CDH26: variants seen among roughly 807,000 people sequenced by gnomAD.
CDH26 encodes the protein cadherin-like protein 26.
CDH26 carries 83 observed loss-of-function variants against 90.3 expected under a neutral mutation model. The observed-to-expected ratio is 0.92, with a 90% CI of 0.77 to 1.10. CDH26 has a LOEUF of 1.10. Among genes scored for constraint, CDH26 ranks in the 50% least tolerant of loss-of-function variants. CDH26 has a pLI of 0.00. For synonymous variants in CDH26, 397 were observed against 396.3 expected, an observed-to-expected ratio of 1.00 and a Z score of -0.02; for missense variants, 1,013 against 1,037.6, an observed-to-expected ratio of 0.98 and a Z score of 0.33.
chr20:59,977,163 G>A (rs1281733615), intron 4 of CDH26, among the ~76,000 whole-genome samples: 1 of 152,146 alleles, frequency 6.6e-6, no homozygotes, highest in African/African-American at 2.4e-5. Context: ...TCTACGGGAA[G>A]GGCTGGTGCT....
intron 4 of CDH26, among the ~76,000 whole-genome samples, chr20:59,976,592 G>A (rs999496681): frequency 6.6e-6 from 1 of 152,220 alleles, no homozygotes; most frequent in African/African-American, 2.4e-5. Context: ...ATACATTATG[G>A]AGGAGAATGT....
At chr20:60,022,894 A>G (rs2061969055) in intron 7 of CDH26, among the ~76,000 whole-genome samples, 1 of 152,212 alleles carries the variant, frequency 6.6e-6, no homozygotes, top group African/African-American at 2.4e-5. Context: ...TTGCCCTAAA[A>G]CATGTTACCT....
rs533521995 is a variant in CDH26 at position 59,967,831 on chromosome 20, T to TTC, written c.70-1134_70-1133dup. ...CTCCCTCATTTCTTTCTTTCTTTCT[T>TTC]TCTTTCTTTCTTTCTTTCTTTCTTT... On this transcript the variant is annotated intron_variant, in intron 1 of 17. Transcript: ENST00000348616. Among the ~76,000 whole-genome samples, 14 of 76,826 alleles carry TTC rather than the reference T, an allele frequency of 1.8e-4. No individual in the cohort carries two copies. In the East Asian group the frequency reaches 4.8e-3, roughly 26 times the overall value. The allele number at this position is 76,826 out of a possible 152,430, so 50.4% of individuals were successfully genotyped here.
intron 1 of CDH26, among the ~76,000 whole-genome samples, chr20:59,968,035 CTCTCTCTCTCTCTCTCTG>C (rs1259418541): frequency 1.5e-4 from 20 of 129,398 alleles, no homozygotes; most frequent in Non-Finnish European, 2.7e-4. Context: ...GTCTCTCTCT[CTCTCTCTCTCTCTCTCTG>C]TCTCTCTCTC....
At position 59,992,015 on chromosome 20, in the gene CDH26, GC is replaced by G. The variant is rs905713521; in HGVS notation, c.1284-362del. ...AAAGTCCTAGGTTTCTGTTGCAAGGGCAGGTTGGTTTTTCACACTAAGCTAA... is the reference window on the plus strand; with the variant it reads ...AAAGTCCTAGGTTTCTGTTGCAAGGGAGGTTGGTTTTTCACACTAAGCTAA... On this transcript the variant is annotated intron_variant, in intron 9 of 17. Coordinates refer to ENST00000348616, the MANE Select transcript of CDH26 (RefSeq NM_177980.4). The surrounding 1 kb of genome is among the most constrained non-coding windows in gnomAD (Gnocchi z 5.0). Among the ~76,000 whole-genome samples the G allele has an allele frequency of 6.6e-6, 1 of 152,180 alleles. No individual in the cohort carries two copies. The highest frequency in any genetic ancestry group is 1.5e-5 in the Non-Finnish European group (1 of 68,026).
chr20:59,978,663 C>G (rs1258618376), intron 4 of CDH26, among the ~76,000 whole-genome samples: 1 of 152,044 alleles, frequency 6.6e-6, no homozygotes, highest in Non-Finnish European at 1.5e-5. Context: ...TGTGAGCCAC[C>G]ACGCCCGATC....
intron 4 of CDH26, among the ~76,000 whole-genome samples, chr20:59,979,574 A>G (rs1289220462): frequency 1.6e-5 from 2 of 124,284 alleles, no homozygotes; most frequent in Non-Finnish European, 3.3e-5. Context: ...ACTCTTTTCA[A>G]TTGTGGTGAG....
Position 59,994,619 on chromosome 20 carries a change from T to C in CDH26, c.1666+130T>C, listed in dbSNP as rs1003899945. ...GTCTGCGTTCTGGCAGAGCTGGCTC[T>C]AGGTGCTCAAAGGATATCCCTGGAT... On this transcript the variant is annotated intron_variant, in intron 11 of 17. Transcript: ENST00000348616. 5 of 1,168,104 alleles carry C rather than the reference T, an allele frequency of 4.3e-6. No individual in the cohort carries two copies. In the African/African-American group the frequency reaches 7.7e-5, roughly 18 times the overall value. 72.4% of individuals were successfully genotyped at this position (1,168,104 alleles called of 1,614,324 possible). A position where few individuals can be genotyped will look rare whatever the true frequency, so the allele number is the denominator to read the frequency against.
intron 1 of CDH26, among the ~76,000 whole-genome samples, chr20:59,966,147 A>C (rs1017047728): frequency 1.3e-5 from 2 of 150,610 alleles, no homozygotes; most frequent in African/African-American, 2.5e-5. Context: ...CACTTTGTTC[A>C]TCATCAAGGA....
At chr20:60,018,080 G>A (rs996066030), downstream of CDH26, among the ~76,000 whole-genome samples, 5 of 151,948 alleles carry the variant, frequency 3.3e-5, no homozygotes, top group East Asian at 1.9e-4. Context: ...TGTGTATTCC[G>A]TAGCTGTTGA....
At chr20:59,979,601 CTTTTTTTTTTTTTTTTTTTTTTT>C (rs559969476) in intron 4 of CDH26, among the ~76,000 whole-genome samples, 27 of 47,496 alleles carry the variant, frequency 5.7e-4, no homozygotes, top group Admixed American at 7.3e-4. Context: ...CTGCTATGCA[CTTTTTTTTTTTTTTTTTTTTTTT>C]TTTTTTTTTT....
rs2061028664 is a variant in CDH26 at position 59,958,715 on chromosome 20, G to T, written c.-12G>T. The T allele has an allele frequency of 3.1e-6, 5 of 1,614,094 alleles. No homozygotes were observed. The African/African-American group carries it at 6.7e-5, about 22-fold the overall frequency. The stretch of plus-strand genomic sequence containing the variant: ...CAGCTGCACGTTCTGGGTCTGTCTT[G>T]GGTATTCCCATATGGCCATGAGATC... On this transcript the variant is annotated 5_prime_UTR_variant, in exon 1 of 18. Coordinates refer to ENST00000348616, the MANE Select transcript of CDH26 (RefSeq NM_177980.4).
intron 1 of CDH26, among the ~76,000 whole-genome samples, chr20:59,962,723 A>G (rs1166189720): frequency 6.6e-6 from 1 of 152,208 alleles, no homozygotes; most frequent in African/African-American, 2.4e-5. Context: ...GGAGAGACCA[A>G]TCCTGTGGGT....
In CDH26 at chr20:60,013,926, C is replaced by T. The variant is rs1407051120; in HGVS notation, c.*1196C>T. The T allele has an allele frequency of 9.2e-5, 14 of 151,996 alleles. No individual in the cohort carries two copies. The highest frequency in any genetic ancestry group is 2.4e-4 in the African/African-American group (10 of 41,378). The allele number at this position is 151,996 out of a possible 1,614,324, so 9.4% of individuals were successfully genotyped here. A position where few individuals can be genotyped will look rare whatever the true frequency, so the allele number is the denominator to read the frequency against. ...AAAGCACTGGAATGTCTGAATGGGA[C>T]GCTTGAATGTGTAGAACAGCTGTAC... On this transcript the variant is annotated 3_prime_UTR_variant, in exon 18 of 18. Coordinates refer to ENST00000348616, the MANE Select transcript of CDH26 (RefSeq NM_177980.4).
At chr20:59,984,509 T>G (rs2145985652) in intron 5 of CDH26, 130 bp from the exon 6 acceptor site, 2 of 652,066 alleles carry the variant, frequency 3.1e-6, no homozygotes, top group East Asian at 5.6e-5. Flanking sequence ...TGTCCATAGT[T>G]TATTTTATAT....
At chr20:60,025,575 C>A (rs1462673036) in intron 7 of CDH26, among the ~76,000 whole-genome samples, 1 of 152,156 alleles carries the variant, frequency 6.6e-6, no homozygotes, top group African/African-American at 2.4e-5. Flanking sequence ...TCAGCGACAC[C>A]CTTCTGGGCT....
chr20:59,983,412 C>T (rs188358582), intron 5 of CDH26, among the ~76,000 whole-genome samples: 2 of 152,292 alleles, frequency 1.3e-5, no homozygotes, highest in Admixed American at 6.5e-5. Flanking sequence ...ACGATCACAT[C>T]TATAGCCTCC....
intron 16 of CDH26, among the ~76,000 whole-genome samples, chr20:60,003,210 AT>A (rs1203363035): frequency 2.6e-5 from 4 of 151,522 alleles, no homozygotes; most frequent in South Asian, 2.1e-4. Context: ...CATCTAGTCA[AT>A]TTTTTTTTCT....
intron 7 of CDH26, among the ~76,000 whole-genome samples, chr20:60,020,796 T>A (rs1384316138): frequency 6.6e-6 from 1 of 152,180 alleles, no homozygotes; most frequent in Non-Finnish European, 1.5e-5. Flanking sequence ...TGCAGTTCAG[T>A]GAAATCCTTG....
Sources: allele counts gnomAD v4.1 joint callset (sites outside exome capture counted in the v4.1 genomes callset), GRCh38; gene constraint gnomAD v4.1.1; non-coding constraint Gnocchi (gnomAD v3.1); transcripts MANE v1.5; gene names NCBI Gene and HGNC (gene_info 2026-07-23, HGNC 2026-07-21).